PARD3B: variants seen among roughly 807,000 people sequenced by gnomAD.
PARD3B encodes partitioning defective 3 homolog B.
Under a neutral mutation model 130.2 loss-of-function variants are expected in PARD3B, and 103 were observed. The observed-to-expected ratio is 0.79, with a 90% confidence interval of 0.67 to 0.93. PARD3B has a LOEUF of 0.93. PARD3B is among the 40% of genes least tolerant of loss of function. PARD3B has a pLI of 0.00. For missense variants in PARD3B, 1,609 were observed against 1,499.2 expected, an observed-to-expected ratio of 1.07 and a Z score of -1.21; for synonymous variants, 583 against 553.2, an observed-to-expected ratio of 1.05 and a Z score of -0.76.
intron 1 of PARD3B, among the ~76,000 whole-genome samples, chr2:204,561,095 G>T (rs534575572): frequency 6.6e-6 from 1 of 152,132 alleles, no homozygotes; most frequent in Admixed American, 6.5e-5. Context: ...ATAGGGATAG[G>T]AGAGGTGGGA....
intron 18 of PARD3B, among the ~76,000 whole-genome samples, chr2:205,392,255 C>T (rs1413172378): frequency 6.6e-6 from 1 of 152,158 alleles, no homozygotes; most frequent in Non-Finnish European, 1.5e-5. Context: ...GACCTCCCTG[C>T]TTTTTAATCC....
At chr2:204,736,911 C>A (rs764843729) in intron 2 of PARD3B, among the ~76,000 whole-genome samples, 2 of 152,154 alleles carry the variant, frequency 1.3e-5, no homozygotes, top group Non-Finnish European at 2.9e-5. Flanking sequence ...TATAACCATT[C>A]CCTTTTCCCC....
intron 1 of PARD3B, among the ~76,000 whole-genome samples, chr2:204,646,004 G>C (rs188291711): frequency 1.2e-3 from 175 of 152,040 alleles, no homozygotes; most frequent in African/African-American, 3.8e-3. Flanking sequence ...CTTCCTTCTT[G>C]TCTAAGGATG....
intron 15 of PARD3B, among the ~76,000 whole-genome samples, chr2:205,231,902 C>T (rs1056933961): frequency 3.3e-5 from 5 of 152,078 alleles, no homozygotes; most frequent in Admixed American, 2.6e-4. Context: ...CAAGGCTAGG[C>T]CAAAAGGATT....
At chr2:204,901,345 C>T (rs1207557098) in intron 2 of PARD3B, among the ~76,000 whole-genome samples, 1 of 152,068 alleles carries the variant, frequency 6.6e-6, no homozygotes, top group Non-Finnish European at 1.5e-5. Flanking sequence ...CCTTCTCTTT[C>T]CAAAGGTAAA....
chr2:204,881,077 A>G (rs550893233), intron 2 of PARD3B, among the ~76,000 whole-genome samples: 1 of 152,340 alleles, frequency 6.6e-6, no homozygotes, highest in African/African-American at 2.4e-5. Context: ...ACTGAAAACA[A>G]TTGATGTTTA....
intron 21 of PARD3B, among the ~76,000 whole-genome samples, chr2:205,531,974 C>T (rs1195388476): frequency 6.6e-6 from 1 of 151,994 alleles, no homozygotes; most frequent in African/African-American, 2.4e-5. Context: ...GTTTTCTTCA[C>T]CTCCAGGGAA....
rs551268371 is a variant in PARD3B, at chr2:205,290,766, G to T, written c.2186-9764G>T. On this transcript the variant is annotated intron_variant, in intron 16 of 22. Transcript: ENST00000406610. Reference sequence around the variant, plus strand: ...TGAAATCCTATACCACAATATGATGGTATTAGTAGATAGGGCCTTTGAGAA... The same window carrying T: ...TGAAATCCTATACCACAATATGATGTTATTAGTAGATAGGGCCTTTGAGAA... 3.9e-4 allele frequency among the ~76,000 whole-genome samples: 59 copies of T among 152,266 alleles called. 1 individual carries two copies. The highest frequency in any genetic ancestry group is 1.4e-3 in the Admixed American group (21 of 15,286).
At chr2:204,809,391 G>T (rs2042885809) in intron 2 of PARD3B, among the ~76,000 whole-genome samples, 1 of 152,024 alleles carries the variant, frequency 6.6e-6, no homozygotes, top group African/African-American at 2.4e-5. Flanking sequence ...TTGTCTTCCA[G>T]GGTTTTTATA....
intron 2 of PARD3B, among the ~76,000 whole-genome samples, chr2:204,857,456 G>C (rs952358345): frequency 6.6e-6 from 1 of 152,106 alleles, no homozygotes; most frequent in Non-Finnish European, 1.5e-5. Flanking sequence ...GGAAAAGACA[G>C]ATGAATGAGA....
chr2:204,746,673 C>T lies in PARD3B; in HGVS notation c.222+60391C>T, dbSNP rs528442823. Among the ~76,000 whole-genome samples, 16 of 152,270 alleles carry T rather than the reference C, an allele frequency of 1.1e-4. No individual in the cohort carries two copies. In the South Asian group the frequency reaches 2.9e-3, roughly 28 times the overall value. On this transcript the variant is annotated intron_variant, in intron 2 of 22. Transcript: ENST00000406610. ...TCCTGACTTTTTAATGATCGCCATT[C>T]TAACTGGTGTGAGATGGTATCTCAT...
chr2:205,448,617 A>C (rs1415388101), intron 20 of PARD3B, among the ~76,000 whole-genome samples: 2 of 152,186 alleles, frequency 1.3e-5, no homozygotes, highest in Non-Finnish European at 2.9e-5. Context: ...CCTAGATTTT[A>C]CCAGCCTCAT....
chr2:205,071,867 CA>C (rs1334531825), intron 4 of PARD3B, among the ~76,000 whole-genome samples: 1 of 151,912 alleles, frequency 6.6e-6, no homozygotes, highest in African/African-American at 2.4e-5. Flanking sequence ...TCTATAGATC[CA>C]AATTTTATCT....
Position 205,585,381 on chromosome 2 carries a change from T to C in PARD3B, c.3261-30075T>C, listed in dbSNP as rs1004659316. On this transcript the variant is annotated intron_variant, in intron 22 of 22. Coordinates refer to ENST00000406610, the MANE Select transcript of PARD3B (RefSeq NM_001302769.2). The surrounding 1 kb of genome is among the most constrained non-coding windows in gnomAD (Gnocchi z 5.4). The stretch of plus-strand genomic sequence containing the variant: ...TTTATAATGGCTAAAAATGATGGAG[T>C]GTGAGAGAATCCCCAGGGACCCTTT... 1.3e-5 allele frequency among the ~76,000 whole-genome samples: 2 copies of C among 151,800 alleles called. No homozygotes were observed. The highest frequency in any genetic ancestry group is 1.3e-4 in the Admixed American group (2 of 15,230).
At chr2:205,095,043 A>G (rs529019214) in intron 4 of PARD3B, among the ~76,000 whole-genome samples, 41 of 152,318 alleles carry the variant, frequency 2.7e-4, no homozygotes, top group African/African-American at 9.4e-4. Context: ...GTTTAAATAG[A>G]TTAAATGAAA....
chr2:205,176,657 AGAGT>A lies in PARD3B; in HGVS notation c.1924+81_1924+84del. On this transcript the variant is annotated intron_variant, in intron 13 of 22. Coordinates refer to ENST00000406610, the MANE Select transcript of PARD3B (RefSeq NM_001302769.2). The surrounding 1 kb of genome is among the most constrained non-coding windows in gnomAD (Gnocchi z 5.3). ...TCTTTTTATCTAAAAAAAAAAAAAA[AGAGT>A]AAAGGGGAGTTAATTAGACTAAGTG... The A allele has an allele frequency of 8.8e-7, 1 of 1,136,858 alleles. No homozygotes were observed. The highest frequency in any genetic ancestry group is 1.2e-6 in the Non-Finnish European group (1 of 830,982). 70.4% of individuals were successfully genotyped at this position (1,136,858 alleles called of 1,614,324 possible).
chr2:205,301,576 A>G lies in PARD3B; in HGVS notation c.2505A>G (p.Lys835=), dbSNP rs1224912143. ...EDMENKARKV[K]KTKEKEKKKE... The stretch of plus-strand genomic sequence containing the variant: ...TGGAAAATAAAGCCAGGAAAGTCAA[A>G]AAAACGAAAGAGAAGGAGAAGAAAA... Residue 835 remains lysine, a synonymous_variant, in exon 18 of 23, where the codon AAA becomes AAG. Coordinates refer to ENST00000406610, the MANE Select transcript of PARD3B (RefSeq NM_001302769.2). The surrounding 1 kb of genome is among the most constrained non-coding windows in gnomAD (Gnocchi z 5.2). 27 of 1,614,000 alleles carry G rather than the reference A, an allele frequency of 1.7e-5. No homozygotes were observed. The highest frequency in any genetic ancestry group is 2.2e-5 in the Non-Finnish European group (26 of 1,180,036).
chr2:205,452,211 A>G (rs1478608962), intron 20 of PARD3B, among the ~76,000 whole-genome samples: 1 of 152,162 alleles, frequency 6.6e-6, no homozygotes, highest in Non-Finnish European at 1.5e-5. Context: ...GAGATTCAGC[A>G]TTTCATTGAG....
chr2:205,327,991 T>C (rs1374496504), intron 18 of PARD3B, among the ~76,000 whole-genome samples: 1 of 152,196 alleles, frequency 6.6e-6, no homozygotes, highest in Admixed American at 6.5e-5. Flanking sequence ...GCCTCTTTCC[T>C]GAAAGCATTA....
Sources: gnomAD v4.1 joint callset for allele counts (sites outside exome capture counted in the v4.1 genomes callset) on GRCh38, gnomAD v4.1.1 for gene constraint, Gnocchi (gnomAD v3.1) non-coding constraint, MANE v1.5 for transcripts, NCBI Gene and HGNC (gene_info 2026-07-23, HGNC 2026-07-21) for gene names.